Variants in NAV1 observed in about 807,000 individuals in gnomAD.
The protein encoded by NAV1 is neuron navigator 1.
Under a neutral mutation model 175.2 loss-of-function variants are expected in NAV1, and 18 were observed. That is an observed-to-expected ratio of 0.10 (90% CI 0.07 to 0.15). The LOEUF (loss-of-function observed/expected upper bound fraction) is 0.15, where lower values mean the gene tolerates loss of function less well. Among genes scored for constraint, NAV1 ranks in the 10% least tolerant of loss-of-function variants. The pLI is 1.00. For missense variants in NAV1, 1,731 were observed against 2,436.6 expected (o/e 0.71, Z 6.10); for synonymous variants, 897 against 978.7 (o/e 0.92, Z 1.56).
chr1:201,674,803 G>A (rs1670180390), intron 1 of NAV1, among the ~76,000 whole-genome samples: 1 of 152,110 alleles, frequency 6.6e-6, no homozygotes, highest in Non-Finnish European at 1.5e-5. Context: ...CTGGGAGGCC[G>A]AGGTGGGCAG....
At chr1:201,566,156 T>C (rs1340427927) in intron 1 of NAV1, among the ~76,000 whole-genome samples, 1 of 152,206 alleles carries the variant, frequency 6.6e-6, no homozygotes, top group East Asian at 1.9e-4. Flanking sequence ...ACCATTCTGA[T>C]GGTGACGCTT....
At chr1:201,670,022 A>G (rs1181203088) in intron 1 of NAV1, among the ~76,000 whole-genome samples, 1 of 152,056 alleles carries the variant, frequency 6.6e-6, no homozygotes, top group Non-Finnish European at 1.5e-5. Context: ...GCCTAAATAC[A>G]AAAGTTCCTT....
chr1:201,718,517 G>A lies in NAV1; in HGVS notation c.988G>A (p.Ala330Thr). 1.2e-6 allele frequency: 2 copies of A among 1,610,638 alleles called. No individual in the cohort carries two copies. The highest frequency in any genetic ancestry group is 1.7e-6 in the Non-Finnish European group (2 of 1,177,964). Residue 330 changes from alanine to threonine, a missense_variant, in exon 3 of 30, where the codon GCG becomes ACG. Physicochemically the swap from Ala to Thr is moderately conservative, Grantham distance 58. Around this residue, in one of 13 missense-constraint regions of NAV1, gnomAD observed 487 missense variants for 581.3 expected, o/e 0.84. Coordinates refer to ENST00000367296, the Ensembl canonical transcript of NAV1. The surrounding 1 kb of genome is among the most constrained non-coding windows in gnomAD (Gnocchi z 4.8). ...CAGTCCGCGGCTGCAGGCTGGTGAC[G>A]CGCCCTCTGTGGGTGGGAGCTGCCG...
Position 201,812,347 on chromosome 1 carries a change from A to C in NAV1, c.5025-118A>C. 1 of 1,024,826 alleles carries C rather than the reference A, an allele frequency of 9.8e-7. No homozygotes were observed. The highest frequency in any genetic ancestry group is 1.4e-6 in the Non-Finnish European group (1 of 692,900). 63.5% of individuals were successfully genotyped at this position (1,024,826 alleles called of 1,614,324 possible). On this transcript the variant is annotated intron_variant, in intron 26 of 29. Transcript: ENST00000367296. This position sits in a 1 kb window ranked among gnomAD's most constrained non-coding sequence, Gnocchi z 4.6. ...CCGATGTCCCCACTATTACTTGAAA[A>C]GAAACCAAGTAGGCATTAGTGAGAA...
rs1457668208 is a variant in NAV1 at position 201,631,513 on chromosome 1, A to G, written c.4+2006A>G. Reference sequence around the variant, plus strand: ...GACACTGGGGTAAAAGACAAATAAGACTTTGACCTGCCTTCAAGATGTTCA... The same window carrying G: ...GACACTGGGGTAAAAGACAAATAAGGCTTTGACCTGCCTTCAAGATGTTCA... On this transcript the variant is annotated intron_variant, in intron 2 of 29. Transcript: ENST00000367302. Among the ~76,000 whole-genome samples the G allele has an allele frequency of 2.0e-5, 3 of 152,178 alleles. No homozygotes were observed. The East Asian group carries it at 5.8e-4, about 29-fold the overall frequency.
chr1:201,570,256 T>C (rs1301280337), intron 1 of NAV1, among the ~76,000 whole-genome samples: 1 of 152,156 alleles, frequency 6.6e-6, no homozygotes, highest in South Asian at 2.1e-4. Context: ...TAGGGCAGAC[T>C]CAGCAGACCC....
intron 2 of NAV1, among the ~76,000 whole-genome samples, chr1:201,717,949 C>A (rs181168558): frequency 7.9e-5 from 12 of 152,232 alleles, no homozygotes; most frequent in Admixed American, 2.0e-4. Flanking sequence ...GGTCTGTTGA[C>A]CCCTTCCATA....
chr1:201,623,991 G>A (rs1338723634), intron 1 of NAV1, among the ~76,000 whole-genome samples: 1 of 152,206 alleles, frequency 6.6e-6, no homozygotes, highest in Non-Finnish European at 1.5e-5. Context: ...TTCATTGTGG[G>A]ACATTTGCCA....
intron 3 of NAV1, among the ~76,000 whole-genome samples, chr1:201,758,762 G>C (rs1237016685): frequency 6.6e-6 from 1 of 152,150 alleles, no homozygotes; most frequent in Non-Finnish European, 1.5e-5. Context: ...CTGAGTAAAT[G>C]CCTAATTTAG....
chr1:201,544,861 T>C (rs1028522642), intron 1 of NAV1, among the ~76,000 whole-genome samples: 1 of 152,242 alleles, frequency 6.6e-6, no homozygotes, highest in African/African-American at 2.4e-5. Flanking sequence ...TCACTGGATG[T>C]GTCCCCATGT....
intron 1 of NAV1, among the ~76,000 whole-genome samples, chr1:201,671,796 C>T (rs561745887): frequency 3.9e-5 from 6 of 152,178 alleles, no homozygotes; most frequent in African/African-American, 1.4e-4. Context: ...CCATGGGGAA[C>T]CATGCCACTG....
At chr1:201,601,421 T>A (rs1335319311) in intron 2 of NAV1, among the ~76,000 whole-genome samples, 2 of 152,138 alleles carry the variant, frequency 1.3e-5, no homozygotes, top group Non-Finnish European at 2.9e-5. Flanking sequence ...AGGTTGAGGC[T>A]GCAGTGAGCT....
chr1:201,627,847 A>G (rs1021128083), intron 1 of NAV1, among the ~76,000 whole-genome samples: 1 of 152,078 alleles, frequency 6.6e-6, no homozygotes, highest in African/African-American at 2.4e-5. Flanking sequence ...CAGACATTTA[A>G]TTGACAATAA....
chr1:201,543,263 G>C (rs1557989716), intron 1 of NAV1, among the ~76,000 whole-genome samples: 1 of 151,938 alleles, frequency 6.6e-6, no homozygotes, highest in East Asian at 1.9e-4. Context: ...GTTAGCTGTG[G>C]GCTTTTCATA....
chr1:201,641,114 T>G (rs1471971245), intron 2 of NAV1, among the ~76,000 whole-genome samples: 1 of 152,154 alleles, frequency 6.6e-6, no homozygotes, highest in Non-Finnish European at 1.5e-5. Context: ...TCCTGAAGCC[T>G]TCCCATTTTG....
rs1162449426 is a variant in NAV1 at position 201,740,323 on chromosome 1, G to C, written c.1226+21568G>C. On this transcript the variant is annotated intron_variant, in intron 3 of 29. Transcript: ENST00000367296. This position sits in a 1 kb window ranked among gnomAD's most constrained non-coding sequence, Gnocchi z 4.7. The stretch of plus-strand genomic sequence containing the variant: ...TACGGGCATCTGGGGCTGGGAGTGG[G>C]TGTGTGGAGGGCTCTAGGGAGTGGA... 1.3e-5 allele frequency among the ~76,000 whole-genome samples: 2 copies of C among 152,246 alleles called. No individual in the cohort carries two copies. The highest frequency in any genetic ancestry group is 2.9e-5 in the Non-Finnish European group (2 of 68,040).
chr1:201,691,237 C>T (rs1249331432), intron 1 of NAV1, among the ~76,000 whole-genome samples: 1 of 152,210 alleles, frequency 6.6e-6, no homozygotes, highest in Non-Finnish European at 1.5e-5. Context: ...TGTCTCCAGA[C>T]ATCACCAAAT....
chr1:201,543,054 G>C (rs1665559712), intron 1 of NAV1, among the ~76,000 whole-genome samples: 1 of 152,204 alleles, frequency 6.6e-6, no homozygotes, highest in Non-Finnish European at 1.5e-5. Context: ...CTATACATAG[G>C]ATCATGTCAA....
chr1:201,558,277 G>GA (rs1383634782), intron 1 of NAV1, among the ~76,000 whole-genome samples: 148 of 152,332 alleles, frequency 9.7e-4, no homozygotes, highest in African/African-American at 3.5e-3. Flanking sequence ...CTACATAGGG[G>GA]AAGGGGAAAT....
Sources: gnomAD v4.1 joint callset for allele counts (sites outside exome capture counted in the v4.1 genomes callset) on GRCh38, gnomAD v4.1.1 for gene constraint, gnomAD v4.1.1 regional missense constraint, Gnocchi (gnomAD v3.1) non-coding constraint, MANE v1.5 for transcripts, NCBI Gene and HGNC (gene_info 2026-07-23, HGNC 2026-07-21) for gene names.